Variants in FANCB observed in about 807,000 individuals in gnomAD.
FANCB encodes Fanconi anemia group B protein.
A neutral mutation model predicts 38.9 loss-of-function variants in FANCB; 5 were observed. That is an observed-to-expected ratio of 0.13 (90% CI 0.07 to 0.27). The LOEUF (loss-of-function observed/expected upper bound fraction) is 0.27. Among genes scored for constraint, FANCB ranks in the 10% least tolerant of loss-of-function variants. The pLI, the probability that FANCB is intolerant of heterozygous loss-of-function variation, is 1.00. For synonymous variants in FANCB, 236 were observed against 215.4 expected (o/e 1.10, Z -0.84); for missense variants, 573 against 602.7 (o/e 0.95, Z 0.52).
the FANCB span, among the ~76,000 whole-genome samples, chrX:14,750,947 C>T: frequency 2.7e-5 from 3 of 109,635 alleles, no homozygotes; most frequent in Non-Finnish European, 5.7e-5. Flanking sequence ...CCTGCTCCAG[C>T]CCAAGCAATG....
chrX:14,859,812 T>A (rs185380081), intron 3 of FANCB, among the ~76,000 whole-genome samples: 1 of 111,922 alleles, frequency 8.9e-6, no homozygotes, highest in Non-Finnish European at 1.9e-5. Context: ...TTCTGTTGCA[T>A]ACCTGACAGC....
At chrX:14,749,552 G>A in the FANCB span, among the ~76,000 whole-genome samples, 4 of 111,603 alleles carry the variant, frequency 3.6e-5, no homozygotes, top group East Asian at 2.8e-4. Context: ...CATAAAATTC[G>A]TATACAAAAA....
the FANCB span, among the ~76,000 whole-genome samples, chrX:14,826,040 A>T: frequency 8.9e-6 from 1 of 112,028 alleles, no homozygotes; most frequent in Non-Finnish European, 1.9e-5. Context: ...AAACTTGGCA[A>T]ATGTCTTGAA....
the FANCB span, among the ~76,000 whole-genome samples, chrX:14,812,823 G>C: frequency 1.8e-5 from 2 of 111,211 alleles, no homozygotes; most frequent in African/African-American, 6.6e-5. Context: ...TATGAGGCCA[G>C]CATCATCCTG....
the FANCB span, among the ~76,000 whole-genome samples, chrX:14,779,721 A>G: frequency 8.1e-5 from 9 of 111,113 alleles, 1 homozygote; most frequent in African/African-American, 2.7e-4. Flanking sequence ...CATTGCGATA[A>G]TAATCAGAAG....
chrX:14,814,154 C>T, the FANCB span, among the ~76,000 whole-genome samples: 9 of 111,299 alleles, frequency 8.1e-5, no homozygotes, highest in African/African-American at 2.6e-4. Context: ...CCCTTCCTTA[C>T]ACCTTATACA....
the FANCB span, among the ~76,000 whole-genome samples, chrX:14,734,696 GTGTCT>G: frequency 9.0e-6 from 1 of 110,999 alleles, no homozygotes; most frequent in Non-Finnish European, 1.9e-5. Context: ...TGATGATTAT[GTGTCT>G]TGGGGTTGCT....
At chrX:14,863,184 C>T (rs776538496) in intron 3 of FANCB, among the ~76,000 whole-genome samples, 1 of 111,802 alleles carries the variant, frequency 8.9e-6, no homozygotes, top group Non-Finnish European at 1.9e-5. Context: ...CATTCCTCCC[C>T]CCACACAAAC....
chrX:14,707,903 C>G, the FANCB span, among the ~76,000 whole-genome samples: 1 of 111,078 alleles, frequency 9.0e-6, no homozygotes, highest in Non-Finnish European at 1.9e-5. Context: ...TATGTATACA[C>G]TGTGAAATAA....
At chrX:14,768,680 A>C in the FANCB span, among the ~76,000 whole-genome samples, 1 of 111,641 alleles carries the variant, frequency 9.0e-6, no homozygotes, top group Non-Finnish European at 1.9e-5. Flanking sequence ...TGCCCTGGCC[A>C]GAACTTCTAA....
chrX:14,831,909 G>C (rs1452795957), downstream of FANCB, among the ~76,000 whole-genome samples: 1 of 111,257 alleles, frequency 9.0e-6, no homozygotes, highest in Non-Finnish European at 1.9e-5. Flanking sequence ...CAACGAAGAT[G>C]AGGAAAACTC....
At chrX:14,843,404 G>C (rs940807631), downstream of FANCB, 1 of 422,274 alleles carries the variant, frequency 2.4e-6, no homozygotes, top group African/African-American at 2.5e-5. Flanking sequence ...AATGGCCCTA[G>C]TTGAGAACCA....
rs773488727 is a variant in FANCB, at chrX:14,864,983, A to C, written c.528T>G (p.Ile176Met). Residue 176 changes from isoleucine to methionine, a missense_variant, in exon 3 of 10, where the codon ATT becomes ATG. Ile to Met is a conservative substitution (Grantham distance 10). Coordinates refer to ENST00000650831, the MANE Select transcript of FANCB (RefSeq NM_001018113.3). ...CCAATAAAACCATACCTAAATTTTC[A>C]ATCTCCCCTGCCCACTGAATAGAGG... Reference protein sequence around the residue: ...NFSSIQWAGEIENLGMVLLGL... With the variant: ...NFSSIQWAGEMENLGMVLLGL... 8 of 1,211,339 alleles carry C rather than the reference A, an allele frequency of 6.6e-6. No individual in the cohort carries two copies. Among genetic ancestry groups the C allele is most frequent in the Non-Finnish European group, 8.9e-6 (8 of 895,256 alleles).
the FANCB span, among the ~76,000 whole-genome samples, chrX:14,696,419 T>C: frequency 9.0e-6 from 1 of 111,615 alleles, no homozygotes; most frequent in African/African-American, 3.3e-5. Context: ...TGATCATAAA[T>C]AAGCATGTGT....
chrX:14,711,862 T>A, the FANCB span, among the ~76,000 whole-genome samples: 1 of 112,268 alleles, frequency 8.9e-6, no homozygotes, highest in Non-Finnish European at 1.9e-5. Flanking sequence ...CTTGGAAACT[T>A]ATGAGATTAT....
At chrX:14,855,081 C>A (rs1019343345) in intron 5 of FANCB, among the ~76,000 whole-genome samples, 2 of 111,622 alleles carry the variant, frequency 1.8e-5, no homozygotes, top group African/African-American at 6.5e-5. Context: ...TACTTCTCCA[C>A]TCTCCAATTG....
the FANCB span, among the ~76,000 whole-genome samples, chrX:14,691,574 G>A: frequency 4.5e-5 from 5 of 110,915 alleles, no homozygotes; most frequent in Admixed American, 1.9e-4. Context: ...CATTAGAATC[G>A]CCTGGGGATA....
chrX:14,869,584 A>G (rs1800261487), intron 1 of FANCB, among the ~76,000 whole-genome samples: 1 of 111,728 alleles, frequency 9.0e-6, no homozygotes, highest in Non-Finnish European at 1.9e-5. Context: ...ATATCAACTC[A>G]TTTATGCTAT....
At chrX:14,785,921 A>G in the FANCB span, among the ~76,000 whole-genome samples, 1 of 111,535 alleles carries the variant, frequency 9.0e-6, no homozygotes, top group African/African-American at 3.3e-5. Flanking sequence ...CACTCCGGGT[A>G]CCAAACCTCA....
Sources: gnomAD v4.1 joint callset for allele counts (sites outside exome capture counted in the v4.1 genomes callset) on GRCh38, gnomAD v4.1.1 for gene constraint, MANE v1.5 for transcripts, NCBI Gene and HGNC (gene_info 2026-07-23, HGNC 2026-07-21) for gene names.